The following RXRA variants were observed in gnomAD, a reference collection of about 807,000 sequenced individuals.
The protein encoded by RXRA is retinoic acid receptor RXR-alpha.
Under a neutral mutation model 44.5 loss-of-function variants are expected in RXRA, and 5 were observed. The ratio of observed to expected loss-of-function variants is 0.11; its 90% CI spans 0.06 to 0.24. RXRA has a LOEUF of 0.24. Ranked by LOEUF, RXRA falls within the 10% of genes least tolerant of loss-of-function variation. RXRA has a pLI of 1.00. For missense variants in RXRA, 412 were observed against 646.5 expected (o/e 0.64, Z 3.93); for synonymous variants, 291 against 271.4 (o/e 1.07, Z -0.71).
At position 134,420,675 on chromosome 9, in the gene RXRA, G is replaced by T. The variant is rs566205261; in HGVS notation, c.781-1001G>T. On this transcript the variant is annotated intron_variant, in intron 5 of 9. Coordinates refer to ENST00000481739, the MANE Select transcript of RXRA (RefSeq NM_002957.6). ...TTCTCCTTGGCAGATGCCCTGAAGTGAGGGATCCCCGAATCCTATTCACAG... is the reference window on the plus strand; with the variant it reads ...TTCTCCTTGGCAGATGCCCTGAAGTTAGGGATCCCCGAATCCTATTCACAG... 1.1e-4 allele frequency among the ~76,000 whole-genome samples: 16 copies of T among 152,356 alleles called. No individual in the cohort carries two copies. In the Middle Eastern group the frequency reaches 0.01, roughly 97 times the overall value.
At chr9:134,336,050 A>T (rs1389872684) in intron 1 of RXRA, among the ~76,000 whole-genome samples, 1 of 151,674 alleles carries the variant, frequency 6.6e-6, no homozygotes, top group Non-Finnish European at 1.5e-5. Context: ...CCCCTACCCC[A>T]CCCCTTCATG....
At chr9:134,359,006 G>A (rs1320906044) in intron 1 of RXRA, among the ~76,000 whole-genome samples, 1 of 152,200 alleles carries the variant, frequency 6.6e-6, no homozygotes, top group Non-Finnish European at 1.5e-5. Flanking sequence ...AGGCTCAACA[G>A]GGTCCAGGGA....
intron 6 of RXRA, 34 bp from the exon 7 acceptor site, chr9:134,429,074 G>T: frequency 6.2e-7 from 1 of 1,611,752 alleles, no homozygotes; most frequent in Non-Finnish European, 8.5e-7. Context: ...GTGGGGCCTG[G>T]AGACAGCTGA....
chr9:134,431,967 G>T lies in RXRA; in HGVS notation c.1106G>T (p.Cys369Phe). 1.2e-6 allele frequency: 2 copies of T among 1,613,960 alleles called. No homozygotes were observed. Among genetic ancestry groups the T allele is most frequent in the Non-Finnish European group, 1.7e-6 (2 of 1,179,892 alleles). Residue 369 changes from cysteine to phenylalanine, a missense_variant, in exon 8 of 10, where the codon TGC becomes TTC. Transcript: ENST00000481739. ...CAGATGGACAAGACGGAGCTGGGCT[G>T]CCTGCGCGCCATCGTCCTCTTTAAC... ...DMQMDKTELG[C>F]LRAIVLFNPD...
Position 134,339,112 on chromosome 9 carries a change from T to C in RXRA, c.28+12453T>C, listed in dbSNP as rs544460633. ...GGGCAGGGCTGGTGGTCACCCCCCC[T>C]GGGGTTGGCCCCGTGGGCTCAGGGC... On this transcript the variant is annotated intron_variant, in intron 1 of 9. Transcript: ENST00000481739. Among the ~76,000 whole-genome samples the C allele has an allele frequency of 9.4e-3, 664 of 70,620 alleles. 8 individuals are homozygous for C. Among genetic ancestry groups the C allele is most frequent in the African/African-American group, 0.039 (638 of 16,356 alleles). The allele number at this position is 70,620 out of a possible 152,430, so 46.3% of individuals were successfully genotyped here. A position where few individuals can be genotyped will look rare whatever the true frequency, so the allele number is the denominator to read the frequency against.
At chr9:134,362,179 G>T (rs1189575556) in intron 1 of RXRA, among the ~76,000 whole-genome samples, 1 of 152,148 alleles carries the variant, frequency 6.6e-6, no homozygotes, top group Non-Finnish European at 1.5e-5. Context: ...AGCGGCACTT[G>T]TCCAGGGCCC....
At chr9:134,394,517 T>G (rs929806905) in intron 1 of RXRA, among the ~76,000 whole-genome samples, 3 of 152,174 alleles carry the variant, frequency 2.0e-5, no homozygotes, top group South Asian at 4.1e-4. Flanking sequence ...GGGTCACTCT[T>G]CCTCATTCTC....
At chr9:134,398,024 G>A (rs1028944717) in intron 1 of RXRA, among the ~76,000 whole-genome samples, 4 of 152,028 alleles carry the variant, frequency 2.6e-5, no homozygotes, top group Non-Finnish European at 5.9e-5. Flanking sequence ...TTGTCACCCA[G>A]GCTGGAGTGC....
chr9:134,383,524 G>T (rs190170836), intron 1 of RXRA, among the ~76,000 whole-genome samples: 7 of 152,156 alleles, frequency 4.6e-5, no homozygotes, highest in Non-Finnish European at 1.0e-4. Context: ...CCACTTAGCT[G>T]TCAGTGAGGC....
At chr9:134,395,939 A>G (rs1381469170) in intron 1 of RXRA, among the ~76,000 whole-genome samples, 1 of 152,196 alleles carries the variant, frequency 6.6e-6, no homozygotes, top group Non-Finnish European at 1.5e-5. Flanking sequence ...GGAGGCCGCT[A>G]GCGGGCCATG....
intron 4 of RXRA, among the ~76,000 whole-genome samples, chr9:134,412,161 A>C (rs1831160067): frequency 6.6e-6 from 1 of 152,238 alleles, no homozygotes; most frequent in Non-Finnish European, 1.5e-5. Flanking sequence ...GCATTGCAGC[A>C]GCCCTGGAGA....
In RXRA at chr9:134,349,434, G is replaced by A. The variant is rs1195648061; in HGVS notation, c.28+22775G>A. ...GAGGAGAGGGACAGGCTGGTGGGTC[G>A]GGGAAGAGAAGAGGCTGGCTCAGGT... is the stretch of plus-strand genomic sequence containing the variant. On this transcript the variant is annotated intron_variant, in intron 1 of 9. Transcript: ENST00000481739. The surrounding 1 kb of genome is among the most constrained non-coding windows in gnomAD (Gnocchi z 4.3). Among the ~76,000 whole-genome samples, 1 of 152,192 alleles carries A rather than the reference G, an allele frequency of 6.6e-6. No individual in the cohort carries two copies. The highest frequency in any genetic ancestry group is 6.5e-5 in the Admixed American group (1 of 15,286).
In RXRA at chr9:134,417,300, G is replaced by A; in HGVS notation, c.753G>A (p.Glu251=). 1.2e-6 allele frequency: 2 copies of A among 1,613,810 alleles called. No homozygotes were observed. Among genetic ancestry groups the A allele is most frequent in the Non-Finnish European group, 1.7e-6 (2 of 1,179,970 alleles). The change falls in exon 5 of 10, where the codon GAG becomes GAA. Residue 251 remains glutamate (E), a synonymous_variant. Transcript: ENST00000481739. This position sits in a 1 kb window ranked among gnomAD's most constrained non-coding sequence, Gnocchi z 6.1. ...AGCCCAAGACCGAGACCTACGTGGAGGCAAACATGGGGCTGAACCCCAGCT... is the reference window on the plus strand; with the variant it reads ...AGCCCAAGACCGAGACCTACGTGGAAGCAAACATGGGGCTGAACCCCAGCT... ...AVEPKTETYV[E]ANMGLNPSSP...
rs112971886 is a variant in RXRA at position 134,391,828 on chromosome 9, C to T, written c.29-9804C>T. On this transcript the variant is annotated intron_variant, in intron 1 of 9. Coordinates refer to ENST00000481739, the MANE Select transcript of RXRA (RefSeq NM_002957.6). Reference sequence around the variant, plus strand: ...AAAGCCAGGCCTCCAGGCGTTGACCCGGCAGCTCTTGTTCCGGGCTTGGAA... The same window carrying T: ...AAAGCCAGGCCTCCAGGCGTTGACCTGGCAGCTCTTGTTCCGGGCTTGGAA... Among the ~76,000 whole-genome samples the T allele has an allele frequency of 5.7e-3, 865 of 152,338 alleles. 9 individuals carry two copies. Among genetic ancestry groups the T allele is most frequent in the African/African-American group, 0.019 (787 of 41,570 alleles).
At chr9:134,412,729 G>A (rs1046225061) in intron 4 of RXRA, among the ~76,000 whole-genome samples, 4 of 152,152 alleles carry the variant, frequency 2.6e-5, no homozygotes, top group Admixed American at 6.5e-5. Context: ...TGGGGGTCCC[G>A]CAGGGACACG....
In RXRA at chr9:134,409,021, G is replaced by A. The variant is rs2119159972; in HGVS notation, c.512G>A (p.Cys171Tyr). 1 of 1,612,054 alleles carries A rather than the reference G, an allele frequency of 6.2e-7. No individual in the cohort carries two copies. The highest frequency in any genetic ancestry group is 8.5e-7 in the Non-Finnish European group (1 of 1,179,176). ...GTGCGCAAGGACCTGACCTACACCT[G>A]CCGCGACAACAAGGACTGCCTGATT... ...RTVRKDLTYT[C>Y]RDNKDCLIDK... The change falls in exon 4 of 10, where the codon TGC (cysteine) becomes TAC (tyrosine). Residue 171 changes from cysteine (C) to tyrosine (Y), a missense_variant. Transcript: ENST00000481739.
chr9:134,363,538 C>T (rs1288660410), intron 1 of RXRA, among the ~76,000 whole-genome samples: 1 of 152,258 alleles, frequency 6.6e-6, no homozygotes, highest in Non-Finnish European at 1.5e-5. Context: ...CAGTTTGCTT[C>T]TGTCCTGTTT....
chr9:134,366,344 GC>G lies in RXRA; in HGVS notation c.29-35286del, dbSNP rs1424411690. Among the ~76,000 whole-genome samples the G allele has an allele frequency of 3.9e-5, 6 of 152,234 alleles. No homozygotes were observed. Among genetic ancestry groups the G allele is most frequent in the African/African-American group, 1.4e-4 (6 of 41,520 alleles). On this transcript the variant is annotated intron_variant, in intron 1 of 9. Coordinates refer to ENST00000481739, the MANE Select transcript of RXRA (RefSeq NM_002957.6). The surrounding 1 kb of genome is among the most constrained non-coding windows in gnomAD (Gnocchi z 5.9). ...CCTGCCCTGCCAGCAGGTCCAGCAG[GC>G]CTTGGCACAGGCTCCAGAATTGCAC...
chr9:134,410,337 C>T (rs1831127878), intron 4 of RXRA, among the ~76,000 whole-genome samples: 1 of 152,214 alleles, frequency 6.6e-6, no homozygotes, highest in African/African-American at 2.4e-5. Flanking sequence ...TCAGGCCCAC[C>T]CTGTGCTGTG....
Sources: gnomAD v4.1 joint callset for allele counts (sites outside exome capture counted in the v4.1 genomes callset) on GRCh38, gnomAD v4.1.1 for gene constraint, Gnocchi (gnomAD v3.1) non-coding constraint, MANE v1.5 for transcripts, NCBI Gene and HGNC (gene_info 2026-07-23, HGNC 2026-07-21) for gene names.